SPECC1: variants seen among roughly 807,000 people sequenced by gnomAD.
The protein encoded by SPECC1 is sperm antigen with calponin homology and coiled-coil domains 1, also known as cytospin-B.
SPECC1 carries 62 observed loss-of-function variants against 104.1 expected under a neutral mutation model. The observed-to-expected ratio is 0.60, with a 90% CI of 0.49 to 0.74. The LOEUF (loss-of-function observed/expected upper bound fraction) is 0.74, where lower values mean the gene tolerates loss of function less well. SPECC1 is among the 30% of genes least tolerant of loss of function. The pLI is 0.00. For synonymous variants in SPECC1, 513 were observed against 501.6 expected, an observed-to-expected ratio of 1.02 and a Z score of -0.30; for missense variants, 1,306 against 1,310.5, an observed-to-expected ratio of 1.00 and a Z score of 0.05.
At chr17:20,029,418 C>T (rs8071730) in intron 1 of SPECC1, among the ~76,000 whole-genome samples, 76,161 of 151,990 alleles carry the variant, frequency 0.5, 19,528 homozygotes, top group Middle Eastern at 0.56. Flanking sequence ...CTTAGTAGTT[C>T]CCTTAGGATT....
Position 20,218,907 on chromosome 17 carries a change from ATCTT to A in SPECC1, c.1864-8502_1864-8499del, listed in dbSNP as rs1204857397. Among the ~76,000 whole-genome samples the A allele has an allele frequency of 3.9e-5, 6 of 152,166 alleles. No homozygotes were observed. In the East Asian group the frequency reaches 1.2e-3, roughly 29 times the overall value. On this transcript the variant is annotated intron_variant, in intron 4 of 14. Coordinates refer to ENST00000395527, the MANE Select transcript of SPECC1 (RefSeq NM_001243439.2). ...CAAATGAGTGAGAATATATGAATTTATCTTTCTATGTCTGGCTTATTTCACTTAA... is the reference window on the plus strand; with the variant it reads ...CAAATGAGTGAGAATATATGAATTTATCTATGTCTGGCTTATTTCACTTAA...
At chr17:20,159,759 A>G (rs1345214555) in intron 3 of SPECC1, among the ~76,000 whole-genome samples, 3 of 152,208 alleles carry the variant, frequency 2.0e-5, no homozygotes, top group Non-Finnish European at 4.4e-5. Context: ...CTGGGCAGAG[A>G]AAGTTGGTGA....
At chr17:20,122,888 GACCCTTGGCCTATTTCT>G (rs1424688143) in intron 3 of SPECC1, among the ~76,000 whole-genome samples, 2 of 152,146 alleles carry the variant, frequency 1.3e-5, no homozygotes, top group Non-Finnish European at 2.9e-5. Flanking sequence ...CCTGTTGAAG[GACCCTTGGCCTATTTCT>G]ACCTTTTGGC....
intron 3 of SPECC1, among the ~76,000 whole-genome samples, chr17:20,127,599 C>T (rs557432205): frequency 3.3e-5 from 5 of 152,196 alleles, no homozygotes; most frequent in African/African-American, 7.2e-5. Flanking sequence ...TAAGCCACAG[C>T]GCCCAGCCAG....
At chr17:20,155,745 G>C (rs1488335392) in intron 3 of SPECC1, 2 of 236,440 alleles carry the variant, frequency 8.5e-6, no homozygotes, top group Non-Finnish European at 1.4e-5. Flanking sequence ...CCTCACCGCA[G>C]TGGGGTTTTT....
intron 1 of SPECC1, among the ~76,000 whole-genome samples, chr17:20,045,347 C>A (rs1949516270): frequency 6.7e-6 from 1 of 149,470 alleles, no homozygotes; most frequent in Non-Finnish European, 1.5e-5. Context: ...TGGATTATTT[C>A]TTGTTTTTTG....
intron 7 of SPECC1, chr17:20,238,782 A>G (rs1035853289): frequency 1.1e-5 from 12 of 1,044,690 alleles, no homozygotes; most frequent in Non-Finnish European, 1.4e-5. Flanking sequence ...TTCAACTTAA[A>G]AGGCACTGCT....
intron 3 of SPECC1, among the ~76,000 whole-genome samples, chr17:20,185,400 G>A (rs943411992): frequency 1.1e-4 from 16 of 152,164 alleles, no homozygotes; most frequent in African/African-American, 1.9e-4. Flanking sequence ...GCCGTGAGCC[G>A]TTCTGTAATA....
intron 12 of SPECC1, among the ~76,000 whole-genome samples, chr17:20,291,611 C>T (rs1418819154): frequency 1.3e-5 from 2 of 152,064 alleles, no homozygotes; most frequent in Non-Finnish European, 1.5e-5. Context: ...GTGGCATGAT[C>T]TTGGCTCACT....
chr17:20,246,069 C>A lies in SPECC1; in HGVS notation c.2495C>A (p.Pro832Gln). ...SLIKSFDLGRPGGAGQNISVH... is the reference protein window; with the variant it reads ...SLIKSFDLGRQGGAGQNISVH... The stretch of plus-strand genomic sequence containing the variant: ...ATCAAGTCATTTGACTTGGGACGCC[C>A]AGGTATTTAATCATTTTTTCTATAA... The change falls in exon 8 of 15, where the codon CCA (proline) becomes CAA (glutamine). Residue 832 changes from proline to glutamine, a missense_variant and splice_region_variant. Around this residue, in one of 2 missense-constraint regions of SPECC1, gnomAD observed 1,177 missense variants for 1,139.9 expected, o/e 1.03. Transcript: ENST00000395527. The A allele has an allele frequency of 1.9e-6, 3 of 1,613,880 alleles. No homozygotes were observed. Among genetic ancestry groups the A allele is most frequent in the Non-Finnish European group, 2.5e-6 (3 of 1,179,888 alleles).
intron 4 of SPECC1, among the ~76,000 whole-genome samples, chr17:20,209,781 C>T (rs2037017746): frequency 6.6e-6 from 1 of 152,182 alleles, no homozygotes; most frequent in Non-Finnish European, 1.5e-5. Context: ...TTTTTCCAGA[C>T]AATAACATGA....
chr17:20,151,665 A>G (rs543989491), intron 3 of SPECC1, among the ~76,000 whole-genome samples: 2 of 152,278 alleles, frequency 1.3e-5, no homozygotes, highest in African/African-American at 2.4e-5. Context: ...AGGAAATTTT[A>G]TCCTGTTCAT....
intron 3 of SPECC1, among the ~76,000 whole-genome samples, chr17:20,127,437 CTT>C (rs369424296): frequency 5.7e-5 from 6 of 104,494 alleles, no homozygotes; most frequent in Non-Finnish European, 5.7e-5. Flanking sequence ...ATCAGGTCAT[CTT>C]TTTTTTTTTT....
chr17:20,156,066 C>T, intron 3 of SPECC1: 5 of 1,317,668 alleles, frequency 3.8e-6, no homozygotes, highest in Non-Finnish European at 4.8e-6. Flanking sequence ...CTGGAAGGCG[C>T]CCGGTCCTTT....
intron 11 of SPECC1, 108 bp downstream of exon 11, chr17:20,257,715 G>T: frequency 7.1e-7 from 1 of 1,403,196 alleles, no homozygotes; most frequent in Non-Finnish European, 9.7e-7. Context: ...AATATTTCCT[G>T]CATGAAAATG....
At chr17:20,042,336 G>A (rs1315214390) in intron 1 of SPECC1, among the ~76,000 whole-genome samples, 4 of 152,240 alleles carry the variant, frequency 2.6e-5, no homozygotes, top group Admixed American at 6.5e-5. Flanking sequence ...GCTTGCCACA[G>A]TGCTTTCACT....
At chr17:20,303,668 T>G (rs964105759) in intron 13 of SPECC1, among the ~76,000 whole-genome samples, 3 of 152,022 alleles carry the variant, frequency 2.0e-5, no homozygotes, top group African/African-American at 7.2e-5. Context: ...AATTAAGAAA[T>G]TTGGACAGGT....
chr17:20,089,336 G>A (rs2047307733), intron 1 of SPECC1, among the ~76,000 whole-genome samples: 1 of 152,174 alleles, frequency 6.6e-6, no homozygotes, highest in African/African-American at 2.4e-5. Flanking sequence ...TAAAAATACA[G>A]TAAAATGGGC....
intron 13 of SPECC1, among the ~76,000 whole-genome samples, chr17:20,302,085 G>A (rs754076277): frequency 4.6e-5 from 7 of 152,210 alleles, no homozygotes; most frequent in Non-Finnish European, 8.8e-5. Flanking sequence ...TAGTCCAGAC[G>A]GACTCAGGTA....
Sources: gnomAD v4.1 joint callset for allele counts (sites outside exome capture counted in the v4.1 genomes callset) on GRCh38, gnomAD v4.1.1 for gene constraint, gnomAD v4.1.1 regional missense constraint, MANE v1.5 for transcripts, NCBI Gene and HGNC (gene_info 2026-07-23, HGNC 2026-07-21) for gene names.